The following GFOD2 variants were observed in gnomAD, a reference collection of about 807,000 sequenced individuals.
GFOD2 encodes the protein Gfo/Idh/MocA-like oxidoreductase domain containing 2.
A neutral mutation model predicts 24.6 loss-of-function variants in GFOD2; 9 were observed. That is an observed-to-expected ratio of 0.37 (90% confidence interval 0.22 to 0.64). The LOEUF (loss-of-function observed/expected upper bound fraction) is 0.64. GFOD2 is among the 30% of genes least tolerant of loss of function. The pLI is 0.65. For missense variants in GFOD2, 476 were observed against 532.5 expected, an observed-to-expected ratio of 0.89 and a Z score of 1.04; for synonymous variants, 211 against 224.8, an observed-to-expected ratio of 0.94 and a Z score of 0.55.
chr16:67,708,999 CCTAACTTAAAACAAACTGTAGG>C (rs2053456011), intron 1 of GFOD2, among the ~76,000 whole-genome samples: 1 of 152,092 alleles, frequency 6.6e-6, no homozygotes, highest in African/African-American at 2.4e-5. Context: ...AGATCCTCAA[CCTAACTTAAAACAAACTGTAGG>C]GCTGAGAGCA....
chr16:67,689,047 GT>G lies in GFOD2; in HGVS notation c.-87-3246del, dbSNP rs1189549772. 1.9e-4 allele frequency among the ~76,000 whole-genome samples: 22 copies of G among 115,248 alleles called. No homozygotes were observed. The Middle Eastern group carries it at 0.026, about 138-fold the overall frequency. 75.6% of individuals were successfully genotyped at this position (115,248 alleles called of 152,430 possible). On this transcript the variant is annotated intron_variant, in intron 1 of 2. Transcript: ENST00000268797. ...AGCCACCGAGCCTGACCTACTTTTT[GT>G]TTTTTTTTTTAAAGACAGTCTCACT... is the stretch of plus-strand genomic sequence containing the variant.
At chr16:67,683,153 G>T (rs912695162) in intron 2 of GFOD2, 9 of 939,626 alleles carry the variant, frequency 9.6e-6, no homozygotes, top group Non-Finnish European at 1.1e-5. Context: ...GTAGAGACGG[G>T]ATCCCACTAT....
intron 1 of GFOD2, among the ~76,000 whole-genome samples, chr16:67,693,698 G>C (rs2053334280): frequency 6.6e-6 from 1 of 152,090 alleles, no homozygotes; most frequent in Admixed American, 6.6e-5. Flanking sequence ...CCACCTCCAG[G>C]ACTTCATCAT....
intron 2 of GFOD2, chr16:67,683,971 C>T (rs2053246994): frequency 2.2e-6 from 2 of 904,664 alleles, no homozygotes; most frequent in African/African-American, 3.6e-5. Context: ...TTCTAGTTGC[C>T]TCAATTGGAC....
intron 1 of GFOD2, among the ~76,000 whole-genome samples, chr16:67,707,315 G>A (rs576807119): frequency 4.3e-5 from 6 of 139,548 alleles, no homozygotes; most frequent in East Asian, 4.3e-4. Context: ...TGAAGATCGC[G>A]CCATTGCACT....
intron 2 of GFOD2, chr16:67,684,697 A>T: frequency 5.2e-6 from 5 of 954,426 alleles, no homozygotes; most frequent in Non-Finnish European, 5.0e-6. Flanking sequence ...ACTCTGTCTC[A>T]AAATAAAATA....
chr16:67,708,595 T>C (rs1268879251), intron 1 of GFOD2, among the ~76,000 whole-genome samples: 3 of 152,206 alleles, frequency 2.0e-5, no homozygotes, highest in Admixed American at 6.5e-5. Flanking sequence ...TGGCTATTCA[T>C]AGAGCATTGG....
chr16:67,718,833 G>A (rs1323469601), intron 1 of GFOD2, among the ~76,000 whole-genome samples: 1 of 152,200 alleles, frequency 6.6e-6, no homozygotes, highest in Non-Finnish European at 1.5e-5. Context: ...ACACAGTCAG[G>A]TGGTCCGCTC....
intron 1 of GFOD2, among the ~76,000 whole-genome samples, chr16:67,710,657 C>T (rs1357231913): frequency 3.3e-5 from 5 of 152,302 alleles, no homozygotes; most frequent in South Asian, 4.1e-4. Context: ...CCACCGCGCC[C>T]GGCCAGTTAG....
intron 1 of GFOD2, among the ~76,000 whole-genome samples, chr16:67,716,427 G>C (rs1054114025): frequency 3.9e-5 from 6 of 152,152 alleles, no homozygotes; most frequent in African/African-American, 1.4e-4. Context: ...ACCTTTCTCT[G>C]AAAACAAGTG....
At chr16:67,687,654 A>G (rs909005779) in intron 1 of GFOD2, among the ~76,000 whole-genome samples, 4 of 150,792 alleles carry the variant, frequency 2.7e-5, no homozygotes, top group African/African-American at 7.3e-5. Flanking sequence ...AAAAAAAAAA[A>G]AAAAGAAAAA....
rs373429400 is a variant in GFOD2 at position 67,685,449 on chromosome 16, G to C, written c.259+8C>G. 1.2e-6 allele frequency: 2 copies of C among 1,614,078 alleles called. No individual in the cohort carries two copies. Among genetic ancestry groups the C allele is most frequent in the Admixed American group, 3.3e-5 (2 of 60,006 alleles). ...TGATCTGCCCCTGCTGTGGCCTGCC[G>C]GGCGTACCTAGAGCCTTCACGGATA... On this transcript the variant is annotated splice_region_variant and intron_variant, in intron 2 of 2. Transcript: ENST00000268797.
chr16:67,701,191 GT>G (rs1163725877), intron 1 of GFOD2, among the ~76,000 whole-genome samples: 3 of 152,110 alleles, frequency 2.0e-5, no homozygotes, highest in African/African-American at 7.2e-5. Flanking sequence ...CTTTGGAAAA[GT>G]TTGCCATCTT....
chr16:67,687,147 CAAA>C (rs555830977), intron 1 of GFOD2, among the ~76,000 whole-genome samples: 2 of 49,728 alleles, frequency 4.0e-5, no homozygotes, highest in Non-Finnish European at 4.3e-5. Flanking sequence ...GACTCCGTCA[CAAA>C]AAAAAAAAAA....
intron 2 of GFOD2, chr16:67,684,769 T>C: frequency 1.0e-6 from 1 of 983,566 alleles, no homozygotes; most frequent in African/African-American, 1.7e-5. Flanking sequence ...TGATTTATAT[T>C]AGATAAAGAG....
intron 2 of GFOD2, chr16:67,682,483 C>T: frequency 1.0e-6 from 1 of 985,406 alleles, no homozygotes; most frequent in Non-Finnish European, 1.2e-6. Flanking sequence ...TCCTGAACCA[C>T]TTCTGAACTG....
chr16:67,709,664 G>A (rs887474446), intron 1 of GFOD2, among the ~76,000 whole-genome samples: 2 of 152,164 alleles, frequency 1.3e-5, no homozygotes, highest in African/African-American at 4.8e-5. Context: ...CACCAGGCTG[G>A]AGTGCAGTGG....
intron 1 of GFOD2, among the ~76,000 whole-genome samples, chr16:67,689,028 C>T (rs1567656570): frequency 6.6e-6 from 1 of 150,486 alleles, no homozygotes; most frequent in African/African-American, 2.4e-5. Context: ...CGTGAGCCAC[C>T]GAGCCTGACC....
intron 1 of GFOD2, among the ~76,000 whole-genome samples, chr16:67,700,725 A>C (rs2053396600): frequency 6.6e-6 from 1 of 150,482 alleles, no homozygotes; most frequent in East Asian, 1.9e-4. Flanking sequence ...AAAACAAAAC[A>C]AACAAACAAA....
Sources: gnomAD v4.1 joint callset for allele counts (sites outside exome capture counted in the v4.1 genomes callset) on GRCh38, gnomAD v4.1.1 for gene constraint, MANE v1.5 for transcripts, NCBI Gene and HGNC (gene_info 2026-07-23, HGNC 2026-07-21) for gene names.